Variants in SMC1A observed in about 807,000 individuals in gnomAD.
The protein encoded by SMC1A is structural maintenance of chromosomes protein 1A.
SMC1A carries 4 observed loss-of-function variants against 94.5 expected under a neutral mutation model. The observed-to-expected ratio is 0.04, with a 90% CI of 0.02 to 0.10. SMC1A has a LOEUF of 0.10. SMC1A is among the 10% of genes least tolerant of loss of function. SMC1A has a pLI of 1.00. For synonymous variants in SMC1A, 345 were observed against 347.7 expected, an observed-to-expected ratio of 0.99 and a Z score of 0.09; for missense variants, 304 against 989.0, an observed-to-expected ratio of 0.31 and a Z score of 9.29.
intron 19 of SMC1A, among the ~76,000 whole-genome samples, chrX:53,385,264 T>G (rs1202282382): frequency 9.3e-6 from 1 of 107,747 alleles, no homozygotes; most frequent in East Asian, 2.9e-4. Flanking sequence ...AGGTTTTTTT[T>G]TTTTTTTTTT....
chrX:53,387,801 A>G (rs782198835), intron 19 of SMC1A, among the ~76,000 whole-genome samples: 3 of 111,785 alleles, frequency 2.7e-5, no homozygotes, highest in African/African-American at 9.7e-5. Context: ...GGACAACCTG[A>G]GCACCAAGAA....
chrX:53,400,063 C>T (rs1156398278), intron 15 of SMC1A, among the ~76,000 whole-genome samples: 2 of 111,879 alleles, frequency 1.8e-5, no homozygotes, highest in Non-Finnish European at 3.8e-5. Context: ...CTGATTCTAC[C>T]AGCTATGGTA....
chrX:53,414,946 G>C (rs2075726449), intron 2 of SMC1A, 35 bp downstream of exon 2: 1 of 1,204,193 alleles, frequency 8.3e-7, no homozygotes, highest in African/African-American at 1.8e-5. Context: ...CACCTCCCAG[G>C]ACCCAAGGAG....
intron 7 of SMC1A, among the ~76,000 whole-genome samples, chrX:53,411,049 C>T (rs2075710662): frequency 9.3e-6 from 1 of 107,720 alleles, no homozygotes; most frequent in African/African-American, 3.4e-5. Context: ...GAGCCATGGT[C>T]GCACCACTGC....
intron 1 of SMC1A, among the ~76,000 whole-genome samples, chrX:53,416,435 G>C: frequency 9.3e-6 from 1 of 107,038 alleles, no homozygotes; most frequent in Non-Finnish European, 1.9e-5. Context: ...TCTGTTGCCA[G>C]GCTGGAGTGC....
intron 9 of SMC1A, 82 bp downstream of exon 9, chrX:53,408,980 C>T: frequency 1.0e-6 from 1 of 975,293 alleles, no homozygotes; most frequent in Non-Finnish European, 1.5e-6. Context: ...GGATTGGCAA[C>T]CCTGTCCTTA....
chrX:53,399,747 G>A lies in SMC1A; in HGVS notation c.2421-17C>T. 1.7e-6 allele frequency: 2 copies of A among 1,199,722 alleles called. No individual in the cohort carries two copies. Among genetic ancestry groups the A allele is most frequent in the Non-Finnish European group, 1.1e-6 (1 of 886,573 alleles). On this transcript the variant is annotated splice_polypyrimidine_tract_variant and intron_variant, in intron 15 of 24. Coordinates refer to ENST00000322213, the MANE Select transcript of SMC1A (RefSeq NM_006306.4). ...AACTCCAAACTGTGTATAAAGGTGG[G>A]GGGAGAATCACTCATAATCTCATCA...
chrX:53,392,738 G>A (rs782560380), intron 19 of SMC1A, among the ~76,000 whole-genome samples: 3 of 111,932 alleles, frequency 2.7e-5, no homozygotes, highest in Admixed American at 9.5e-5. Context: ...GTGAGCCACC[G>A]CGCCTGACCC....
chrX:53,394,731 T>TGCCCCCCCCCCCCCCCCCCCCCCC, intron 19 of SMC1A, 47 bp downstream of exon 19: 1 of 416,231 alleles, frequency 2.4e-6, no homozygotes, highest in Non-Finnish European at 4.4e-6. Flanking sequence ...ATAGTCCCAC[T>TGCCCCCCCCCCCCCCCCCCCCCCC]CCCACCCAAC....
Position 53,383,146 on chromosome X carries a change from G to A in SMC1A, c.3081C>T (p.Ala1027=). 2 of 1,207,807 alleles carry A rather than the reference G, an allele frequency of 1.7e-6. No individual in the cohort carries two copies. The highest frequency in any genetic ancestry group is 2.2e-6 in the Non-Finnish European group (2 of 893,384). ...LQRIAAPNMK[A]MEKLESVRDK... ...CTCGGACACTTTCCAGCTTTTCCAT[G>A]GCCTTCATGTTGGGGGCGGCAATAC... Residue 1027 remains alanine (A), a synonymous_variant, in exon 20 of 25, where the codon GCC becomes GCT. Coordinates refer to ENST00000322213, the MANE Select transcript of SMC1A (RefSeq NM_006306.4).
chrX:53,385,966 C>T (rs939491339), intron 19 of SMC1A, among the ~76,000 whole-genome samples: 1 of 111,768 alleles, frequency 8.9e-6, no homozygotes, highest in Non-Finnish European at 1.9e-5. Context: ...GTACATTTAG[C>T]GTTGAAAAAC....
intron 5 of SMC1A, among the ~76,000 whole-genome samples, 161 bp from the exon 6 acceptor site, chrX:53,412,414 G>A (rs1200391505): frequency 8.9e-6 from 1 of 112,025 alleles, no homozygotes; most frequent in African/African-American, 3.2e-5. Flanking sequence ...AAAAGGGGCA[G>A]TCTGACTACT....
chrX:53,406,545 C>T (rs868919008), intron 9 of SMC1A, among the ~76,000 whole-genome samples: 1 of 111,837 alleles, frequency 8.9e-6, no homozygotes. Flanking sequence ...CTATGTTTGC[C>T]GAGAACACTC....
Position 53,396,764 on chromosome X carries a change from GCCT to G in SMC1A, c.2563-150_2563-148del, listed in dbSNP as rs1452942679. 4.7e-4 allele frequency: 285 copies of G among 609,296 alleles called. 1 individual carries two copies. The highest frequency in any genetic ancestry group is 1.7e-4 in the South Asian group (6 of 36,237). The allele number at this position is 609,296 out of a possible 1,213,427, so 50.2% of individuals were successfully genotyped here. ...GCTTTCACACCCCCATCACCCCTCA[GCCT>G]CCTATCTTTTTAAAATTTGGTTGTC... On this transcript the variant is annotated intron_variant, in intron 16 of 24. Coordinates refer to ENST00000322213, the MANE Select transcript of SMC1A (RefSeq NM_006306.4).
chrX:53,383,075 C>A, intron 20 of SMC1A, 22 bp downstream of exon 20: 1 of 1,203,577 alleles, frequency 8.3e-7, no homozygotes, highest in Non-Finnish European at 1.1e-6. Flanking sequence ...ATCGTAGGCC[C>A]AAGTAGAAGG....
intron 19 of SMC1A, among the ~76,000 whole-genome samples, chrX:53,386,453 A>T (rs781910055): frequency 4.4e-5 from 5 of 112,454 alleles, no homozygotes; most frequent in South Asian, 7.2e-4. Flanking sequence ...ATGAAACCTA[A>T]TTATTCATTT....
chrX:53,422,298 T>C (rs782422506), intron 1 of SMC1A, among the ~76,000 whole-genome samples, 194 bp downstream of exon 1: 1 of 111,786 alleles, frequency 8.9e-6, no homozygotes, highest in Admixed American at 9.4e-5. Flanking sequence ...AAGCGGCAAG[T>C]GACACCTGGA....
intron 22 of SMC1A, 118 bp from the exon 23 acceptor site, chrX:53,381,205 TA>T (rs2075581650): frequency 1.0e-5 from 5 of 484,255 alleles, no homozygotes; most frequent in Non-Finnish European, 1.8e-5. Flanking sequence ...CTTCAGAAAC[TA>T]AAAAACCCAG....
chrX:53,380,976 C>T, intron 23 of SMC1A, 42 bp downstream of exon 23: 1 of 1,120,454 alleles, frequency 8.9e-7, no homozygotes, highest in Non-Finnish European at 1.2e-6. Context: ...CCAACCCCGA[C>T]CTGGGGGCAT....
Sources: gnomAD v4.1 joint callset for allele counts (sites outside exome capture counted in the v4.1 genomes callset) on GRCh38, gnomAD v4.1.1 for gene constraint, MANE v1.5 for transcripts, NCBI Gene and HGNC (gene_info 2026-07-23, HGNC 2026-07-21) for gene names.